The following TSHR variants were observed in gnomAD, a reference collection of about 807,000 sequenced individuals.
TSHR encodes thyrotropin receptor.
TSHR carries 51 observed loss-of-function variants against 64.1 expected under a neutral mutation model. The observed-to-expected ratio is 0.80, with a 90% CI of 0.64 to 1.01. The LOEUF (loss-of-function observed/expected upper bound fraction) is 1.01, where lower values mean the gene tolerates loss of function less well. Ranked by LOEUF, TSHR falls within the 50% of genes least tolerant of loss-of-function variation. The probability of loss-of-function intolerance (pLI) is 0.00; values close to 1 mark genes in which losing one functional copy is unlikely to be tolerated. For missense variants in TSHR, 877 were observed against 942.8 expected, an observed-to-expected ratio of 0.93 and a Z score of 0.91; for synonymous variants, 361 against 361.9, an observed-to-expected ratio of 1.00 and a Z score of 0.03.
intron 1 of TSHR, among the ~76,000 whole-genome samples, chr14:81,049,265 A>T (rs1885317361): frequency 6.6e-6 from 1 of 152,220 alleles, no homozygotes; most frequent in Non-Finnish European, 1.5e-5. Context: ...TGCCTGGAGC[A>T]TGGTAGGCAC....
intron 1 of TSHR, among the ~76,000 whole-genome samples, chr14:80,968,912 C>A (rs140798151): frequency 1.3e-5 from 2 of 152,244 alleles, no homozygotes; most frequent in Admixed American, 6.5e-5. Flanking sequence ...TAGTATCAAC[C>A]TCCCTGTATT....
chr14:81,102,159 GA>G (rs1595116970), intron 7 of TSHR, among the ~76,000 whole-genome samples: 1 of 147,404 alleles, frequency 6.8e-6, no homozygotes, highest in East Asian at 2.0e-4. Flanking sequence ...GAGACTGAGA[GA>G]GACTCCATCT....
intron 1 of TSHR, chr14:80,982,059 G>T (rs1888199127): frequency 2.1e-6 from 1 of 484,868 alleles, no homozygotes; most frequent in Non-Finnish European, 3.9e-6. Flanking sequence ...AGCTAAAGCT[G>T]GAGAAGAGAG....
At chr14:81,072,431 T>C (rs182887891) in intron 3 of TSHR, among the ~76,000 whole-genome samples, 105 of 152,228 alleles carry the variant, frequency 6.9e-4, no homozygotes, top group African/African-American at 2.5e-3. Flanking sequence ...TAATAAATCA[T>C]AAATAAATGT....
chr14:81,023,705 G>A (rs540043330), intron 1 of TSHR, among the ~76,000 whole-genome samples: 1 of 152,178 alleles, frequency 6.6e-6, no homozygotes, highest in Non-Finnish European at 1.5e-5. Context: ...AGGCCTTCTT[G>A]TACAACCAAA....
In TSHR at chr14:81,143,257, C is replaced by G. The variant is rs748001659; in HGVS notation, c.1199C>G (p.Pro400Arg). The part of the protein sequence containing the change: ...CGDSEDMVCT[P>R]KSDEFNPCED... ...GACAGTGAAGACATGGTGTGTACCC[C>G]CAAGTCCGATGAGTTCAACCCGTGT... The change falls in exon 10 of 10, where the codon CCC becomes CGC. Residue 400 changes from proline (P) to arginine (R), a missense_variant. Physicochemically the swap from Pro to Arg is moderately radical, Grantham distance 103. Coordinates refer to ENST00000298171, the MANE Select transcript of TSHR (RefSeq NM_000369.5). 5.6e-6 allele frequency: 9 copies of G among 1,614,118 alleles called. No individual in the cohort carries two copies. The South Asian group carries it at 6.6e-5, about 12-fold the overall frequency.
At position 81,087,029 on chromosome 14, in the gene TSHR, T is replaced by A. The variant is rs367967719; in HGVS notation, c.318-925T>A. On this transcript the variant is annotated intron_variant, in intron 3 of 9. Transcript: ENST00000298171. ...AATCATGTAATGTTACTAAAAATCA[T>A]TGAACTGTATGCCTACATACAATGT... Among the ~76,000 whole-genome samples the A allele has an allele frequency of 7.2e-4, 109 of 152,368 alleles. 1 individual carries two copies. Among genetic ancestry groups the A allele is most frequent in the African/African-American group, 2.4e-3 (99 of 41,590 alleles).
chr14:81,064,447 T>C (rs985807838), intron 2 of TSHR, among the ~76,000 whole-genome samples: 1 of 152,112 alleles, frequency 6.6e-6, no homozygotes, highest in Admixed American at 6.6e-5. Context: ...GGTGCAGTTA[T>C]ATTGAGTACA....
At position 81,068,247 on chromosome 14, in the gene TSHR, C is replaced by G. The variant is rs778183850; in HGVS notation, c.243-7C>G. Reference sequence around the variant, plus strand: ...TCTACTTTGTCTTATATTTTTCTGACATTCAGCTACGTATCTATAGATGTG... The same window carrying G: ...TCTACTTTGTCTTATATTTTTCTGAGATTCAGCTACGTATCTATAGATGTG... On this transcript the variant is annotated splice_region_variant and splice_polypyrimidine_tract_variant and intron_variant, in intron 2 of 9. Transcript: ENST00000298171. The G allele has an allele frequency of 3.1e-6, 5 of 1,612,230 alleles. No individual in the cohort carries two copies. The highest frequency in any genetic ancestry group is 2.5e-6 in the Non-Finnish European group (3 of 1,178,948).
At chr14:81,047,524 G>A (rs909748824) in intron 1 of TSHR, among the ~76,000 whole-genome samples, 1 of 152,308 alleles carries the variant, frequency 6.6e-6, no homozygotes, top group African/African-American at 2.4e-5. Context: ...TGTAACGATA[G>A]ATGGTGAATT....
intron 1 of TSHR, among the ~76,000 whole-genome samples, chr14:81,023,077 A>G (rs1883858750): frequency 6.6e-6 from 1 of 152,160 alleles, no homozygotes; most frequent in African/African-American, 2.4e-5. Context: ...GAAGGTGAGA[A>G]ATAAATTTCT....
chr14:81,114,820 C>G (rs1482124105), intron 8 of TSHR, among the ~76,000 whole-genome samples: 6 of 152,228 alleles, frequency 3.9e-5, no homozygotes, highest in Non-Finnish European at 5.9e-5. Flanking sequence ...TACCAGCACG[C>G]AGCTGGAGAT....
chr14:81,088,769 AATAAGCACTATTAAC>A (rs1888484343), intron 4 of TSHR, among the ~76,000 whole-genome samples: 1 of 152,146 alleles, frequency 6.6e-6, no homozygotes. Context: ...CAAACCCCAA[AATAAGCACTATTAAC>A]ATTTCAGTTC....
intron 3 of TSHR, among the ~76,000 whole-genome samples, chr14:81,075,517 T>A (rs1429900731): frequency 6.6e-6 from 1 of 152,120 alleles, no homozygotes. Context: ...TATTATACTT[T>A]AAGTTTTAGG....
chr14:80,963,680 T>C (rs544678207), intron 1 of TSHR, among the ~76,000 whole-genome samples: 2 of 152,360 alleles, frequency 1.3e-5, no homozygotes, highest in South Asian at 4.1e-4. Context: ...CAAATTCATC[T>C]TGATGTCTTT....
At chr14:81,002,781 C>CTTTTTTTTTTTTTTTTTTTTTTATT (rs1889389073) in intron 1 of TSHR, among the ~76,000 whole-genome samples, 1 of 44,324 alleles carries the variant, frequency 2.3e-5, no homozygotes, top group Non-Finnish European at 4.0e-5. Flanking sequence ...CCTAATGCCT[C>CTTTTTTTTTTTTTTTTTTTTTTATT]TTTTTTTTTT....
chr14:81,015,743 G>A (rs28533809), intron 1 of TSHR, among the ~76,000 whole-genome samples: 9,458 of 151,894 alleles, frequency 0.062, 954 homozygotes, highest in African/African-American at 0.22. Context: ...CTGTCTAACC[G>A]AAATTTTGTA....
intron 1 of TSHR, chr14:81,013,470 G>GT (rs1309411094): frequency 6.6e-6 from 1 of 152,084 alleles, no homozygotes; most frequent in Non-Finnish European, 1.5e-5. Context: ...ATATAAGTAG[G>GT]TTTTTTCTCC....
chr14:81,087,746 G>GAGCT (rs1888389502), intron 3 of TSHR: 2 of 617,744 alleles, frequency 3.2e-6, no homozygotes, highest in Non-Finnish European at 5.8e-6. Flanking sequence ...CAATGCAAAA[G>GAGCT]AGCTGAGCAG....
Sources: gnomAD v4.1 joint callset for allele counts (sites outside exome capture counted in the v4.1 genomes callset) on GRCh38, gnomAD v4.1.1 for gene constraint, MANE v1.5 for transcripts, NCBI Gene and HGNC (gene_info 2026-07-23, HGNC 2026-07-21) for gene names.